Variants in STARD9 observed in about 807,000 individuals in gnomAD.
STARD9 encodes StAR related lipid transfer domain containing 9.
In STARD9, 346 loss-of-function variants were observed where a neutral mutation model predicts 399.8. That is an observed-to-expected ratio of 0.87 (90% CI 0.79 to 0.95). The LOEUF (loss-of-function observed/expected upper bound fraction) is 0.95. Ranked by LOEUF, STARD9 falls within the 40% of genes least tolerant of loss-of-function variation. The pLI is 0.00. For missense variants in STARD9, 5,832 were observed against 5,667.5 expected (o/e 1.03, Z -0.93); for synonymous variants, 2,203 against 2,143.5 (o/e 1.03, Z -0.77).
At chr15:42,592,229 A>G (rs1450736590) in intron 3 of STARD9, among the ~76,000 whole-genome samples, 1 of 152,200 alleles carries the variant, frequency 6.6e-6, no homozygotes, top group Non-Finnish European at 1.5e-5. Flanking sequence ...TCTAGATTTG[A>G]ACACAGGATC....
In STARD9 at chr15:42,693,516, C is replaced by T; in HGVS notation, c.11938C>T (p.His3980Tyr). 1 of 1,537,244 alleles carries T rather than the reference C, an allele frequency of 6.5e-7. No individual in the cohort carries two copies. The highest frequency in any genetic ancestry group is 1.4e-5 in the African/African-American group (1 of 73,162). ...RSNGRSFLEL[H>Y]SPHSPQQSPK... is the part of the protein sequence containing the mutation. ...TAATGGGAGATCCTTCCTTGAGTTGCACTCCCCACACAGCCCACAGCAGAG... is the reference window on the plus strand; with the variant it reads ...TAATGGGAGATCCTTCCTTGAGTTGTACTCCCCACACAGCCCACAGCAGAG... Residue 3980 changes from histidine to tyrosine, a missense_variant, in exon 23 of 33, where the codon CAC becomes TAC. Transcript: ENST00000290607.
intron 1 of STARD9, 80 bp downstream of exon 1, chr15:42,575,842 A>C: frequency 7.0e-7 from 1 of 1,432,182 alleles, no homozygotes; most frequent in Non-Finnish European, 9.5e-7. Context: ...CCCTGCAGAG[A>C]TTCTGGCGCG....
intron 3 of STARD9, among the ~76,000 whole-genome samples, chr15:42,619,830 T>C (rs1413492146): frequency 2.6e-5 from 4 of 152,156 alleles, no homozygotes; most frequent in Non-Finnish European, 5.9e-5. Context: ...TTTCTTTTGG[T>C]TTATTTTGCT....
rs547215889 is a variant in STARD9 at position 42,705,496 on chromosome 15, C to T, written c.13284+9616C>T. On this transcript the variant is annotated intron_variant, in intron 26 of 32. Coordinates refer to ENST00000290607, the MANE Select transcript of STARD9 (RefSeq NM_020759.3). ...TCACTCAGACTGGAGTGCTGTGGCG[C>T]CATCTTGACTCACTGCAACCTCCGC... Among the ~76,000 whole-genome samples, 19 of 151,850 alleles carry T rather than the reference C, an allele frequency of 1.3e-4. No homozygotes were observed. The South Asian group carries it at 4.0e-3, about 32-fold the overall frequency.
intron 7 of STARD9, among the ~76,000 whole-genome samples, chr15:42,642,386 G>C (rs2059556700): frequency 6.6e-6 from 1 of 152,236 alleles, no homozygotes. Context: ...ACAAGGGCCT[G>C]CCCAAAGCAC....
Position 42,691,360 on chromosome 15 carries a change from A to G in STARD9, c.9782A>G (p.Lys3261Arg), listed in dbSNP as rs1233726862. Reference sequence around the variant, plus strand: ...GCTGTGGCCAAGCCTCCTGTGTCCAAGATTTTATCACAGGGCTTCAAAGAC... The same window carrying G: ...GCTGTGGCCAAGCCTCCTGTGTCCAGGATTTTATCACAGGGCTTCAAAGAC... ...EVAVAKPPVSKILSQGFKDPA... is the reference protein window; with the variant it reads ...EVAVAKPPVSRILSQGFKDPA... The change falls in exon 23 of 33, where the codon AAG becomes AGG. Residue 3261 changes from lysine (K) to arginine (R), a missense_variant. Lys to Arg is a conservative substitution (Grantham distance 26). Transcript: ENST00000290607. The G allele has an allele frequency of 2.6e-6, 4 of 1,537,212 alleles. No homozygotes were observed. Among genetic ancestry groups the G allele is most frequent in the Middle Eastern group, 1.7e-4 (1 of 5,990 alleles).
intron 26 of STARD9, among the ~76,000 whole-genome samples, chr15:42,696,659 C>T (rs139275104): frequency 7.2e-4 from 109 of 152,254 alleles, no homozygotes; most frequent in African/African-American, 1.6e-3. Context: ...CACGGCAGAG[C>T]TGAGAGAGAT....
In STARD9 at chr15:42,689,043, A is replaced by G; in HGVS notation, c.7465A>G (p.Arg2489Gly). 6.5e-7 allele frequency: 1 copy of G among 1,537,336 alleles called. No individual in the cohort carries two copies. The highest frequency in any genetic ancestry group is 1.4e-5 in the African/African-American group (1 of 73,178). ...CAAGGTCTCTAGCCAGCCTGAAAAG[A>G]GGGTCAGCTTCTCCTTGGAAGAGGA... ...LNKVSSQPEK[R>G]VSFSLEEDSD... Residue 2489 changes from arginine to glycine, a missense_variant, in exon 23 of 33, where the codon AGG becomes GGG. By Grantham distance (125) the Arg-to-Gly change is moderately radical (BLOSUM62 -2). Coordinates refer to ENST00000290607, the MANE Select transcript of STARD9 (RefSeq NM_020759.3).
At position 42,694,637 on chromosome 15, in the gene STARD9, A is replaced by G. The variant is rs1257827053; in HGVS notation, c.12874A>G (p.Lys4292Glu). The change falls in exon 24 of 33, where the codon AAA becomes GAA. Residue 4292 changes from lysine to glutamate, a missense_variant. By Grantham distance (56) the Lys-to-Glu change is moderately conservative. Transcript: ENST00000290607. Reference sequence around the variant, plus strand: ...GAAACAACTGAGCCTCCTGCCCAACAAAGATCTCTTCATCTGGGATCTTGA... The same window carrying G: ...GAAACAACTGAGCCTCCTGCCCAACGAAGATCTCTTCATCTGGGATCTTGA... ...PQKQLSLLPNKDLFIWDLDLP... is the reference protein window; with the variant it reads ...PQKQLSLLPNEDLFIWDLDLP... 3 of 1,537,034 alleles carry G rather than the reference A, an allele frequency of 2.0e-6. No individual in the cohort carries two copies. Among genetic ancestry groups the G allele is most frequent in the African/African-American group, 2.7e-5 (2 of 73,018 alleles).
chr15:42,675,653 C>G lies in STARD9; in HGVS notation c.1688-11C>G, dbSNP rs190528678. 6.5e-7 allele frequency: 1 copy of G among 1,534,172 alleles called. No individual in the cohort carries two copies. The highest frequency in any genetic ancestry group is 8.7e-7 in the Non-Finnish European group (1 of 1,144,282). ...CTGTTGATTGAATTCTCATTTGTCT[C>G]TGTGCTGCAGGAGCTGTCATAACCC... On this transcript the variant is annotated splice_polypyrimidine_tract_variant and intron_variant, in intron 18 of 32. Transcript: ENST00000290607.
At chr15:42,698,950 G>T (rs761233122) in intron 26 of STARD9, among the ~76,000 whole-genome samples, 2 of 151,948 alleles carry the variant, frequency 1.3e-5, no homozygotes, top group African/African-American at 2.4e-5. Flanking sequence ...CTACCCTGCG[G>T]TAGTGTTAGT....
rs2058171737 is a variant in STARD9 at position 42,581,576 on chromosome 15, G to A, written c.48-1770G>A. ...TCCAGCTCCTAGGGCGGGTGGAAAA[G>A]CGAGCTCTGCGCACTCCTCGCTCGC... On this transcript the variant is annotated intron_variant, in intron 1 of 32. Coordinates refer to ENST00000290607, the MANE Select transcript of STARD9 (RefSeq NM_020759.3). The A allele has an allele frequency of 3.4e-6, 3 of 874,182 alleles. No homozygotes were observed. The African/African-American group carries it at 5.1e-5, about 15-fold the overall frequency. The allele number at this position is 874,182 out of a possible 1,614,324, so 54.2% of individuals were successfully genotyped here.
At chr15:42,682,652 C>G (rs575967205) in intron 22 of STARD9, 77 bp downstream of exon 22, 1 of 1,157,130 alleles carries the variant, frequency 8.6e-7, no homozygotes, top group African/African-American at 1.6e-5. Context: ...TTCTGTTTTT[C>G]CCCATGCCTC....
At chr15:42,609,630 G>A (rs1389910627) in intron 3 of STARD9, among the ~76,000 whole-genome samples, 1 of 151,658 alleles carries the variant, frequency 6.6e-6, no homozygotes, top group African/African-American at 2.4e-5. Flanking sequence ...AATAGAGATC[G>A]GGTTTCACCA....
At chr15:42,623,433 A>C (rs1307837109) in intron 3 of STARD9, among the ~76,000 whole-genome samples, 2 of 152,098 alleles carry the variant, frequency 1.3e-5, no homozygotes, top group Non-Finnish European at 2.9e-5. Context: ...CAACTATATG[A>C]TAAGTTTGTT....
chr15:42,648,999 G>C (rs561020009), intron 7 of STARD9, among the ~76,000 whole-genome samples: 12 of 151,924 alleles, frequency 7.9e-5, no homozygotes, highest in Non-Finnish European at 1.6e-4. Context: ...AGCCTCCCAA[G>C]TAGCTGAGAT....
intron 7 of STARD9, among the ~76,000 whole-genome samples, chr15:42,649,862 C>CTTTT (rs765573235): frequency 5.6e-5 from 6 of 107,222 alleles, no homozygotes; most frequent in Non-Finnish European, 9.3e-5. Flanking sequence ...CGAGCCTGGC[C>CTTTT]TTTTTTTTTT....
intron 3 of STARD9, among the ~76,000 whole-genome samples, chr15:42,599,478 C>T (rs912980890): frequency 6.6e-6 from 1 of 152,148 alleles, no homozygotes; most frequent in South Asian, 2.1e-4. Flanking sequence ...CATCTCACCT[C>T]TCCAGTTTCT....
chr15:42,607,685 C>CAA (rs57723285), intron 3 of STARD9, among the ~76,000 whole-genome samples: 3,286 of 149,658 alleles, frequency 0.022, 124 homozygotes, highest in African/African-American at 0.075. Context: ...CACACACACA[C>CAA]AAATATATAT....
Sources: gnomAD v4.1 joint callset for allele counts (sites outside exome capture counted in the v4.1 genomes callset) on GRCh38, gnomAD v4.1.1 for gene constraint, MANE v1.5 for transcripts, NCBI Gene and HGNC (gene_info 2026-07-23, HGNC 2026-07-21) for gene names.